The following EEPD1 variants were observed in gnomAD, a reference collection of about 807,000 sequenced individuals.
The protein encoded by EEPD1 is endonuclease/exonuclease/phosphatase family domain containing 1, also known as endonuclease/exonuclease/phosphatase family domain-containing protein 1.
In EEPD1, 17 loss-of-function variants were observed where a neutral mutation model predicts 46.3. The observed-to-expected ratio is 0.37, with a 90% confidence interval of 0.25 to 0.55. The LOEUF is 0.55. EEPD1 is among the 20% of genes least tolerant of loss of function. The probability of loss-of-function intolerance (pLI) is 0.83; values close to 1 mark genes in which losing one functional copy is unlikely to be tolerated. For missense variants in EEPD1, 673 were observed against 745.6 expected (o/e 0.90, Z 1.13); for synonymous variants, 313 against 315.6 (o/e 0.99, Z 0.09).
At chr7:36,254,842 G>A (rs530093505) in intron 3 of EEPD1, among the ~76,000 whole-genome samples, 1 of 152,318 alleles carries the variant, frequency 6.6e-6, no homozygotes, top group South Asian at 2.1e-4. Flanking sequence ...ACTGGCGTGA[G>A]ATGGTATCTC....
chr7:36,162,206 A>G (rs192785519), intron 2 of EEPD1, among the ~76,000 whole-genome samples: 18 of 152,348 alleles, frequency 1.2e-4, no homozygotes, highest in Admixed American at 1.1e-3. Flanking sequence ...TGTTGTACAC[A>G]TGCCAAAGTT....
chr7:36,204,097 C>T (rs544282034), intron 2 of EEPD1, among the ~76,000 whole-genome samples: 6 of 150,324 alleles, frequency 4.0e-5, no homozygotes, highest in Admixed American at 1.3e-4. Context: ...TGCAGTGACG[C>T]GATCACAGTT....
chr7:36,298,408 A>G (rs753455727), intron 7 of EEPD1, among the ~76,000 whole-genome samples: 5 of 152,174 alleles, frequency 3.3e-5, no homozygotes, highest in African/African-American at 7.2e-5. Context: ...GCCCATGTCA[A>G]TCCTGCACTA....
At chr7:36,278,954 T>G (rs1395679696) in intron 3 of EEPD1, among the ~76,000 whole-genome samples, 1 of 152,110 alleles carries the variant, frequency 6.6e-6, no homozygotes, top group Non-Finnish European at 1.5e-5. Context: ...CCTATAAAAG[T>G]CATGGTTGAG....
intron 3 of EEPD1, among the ~76,000 whole-genome samples, chr7:36,277,585 G>A (rs1562710496): frequency 6.6e-6 from 1 of 152,192 alleles, no homozygotes; most frequent in Non-Finnish European, 1.5e-5. Flanking sequence ...ACTTTGAGTA[G>A]CAAGCGTCTG....
At chr7:36,196,861 G>A (rs1785605525) in intron 2 of EEPD1, among the ~76,000 whole-genome samples, 1 of 151,786 alleles carries the variant, frequency 6.6e-6, no homozygotes, top group Non-Finnish European at 1.5e-5. Flanking sequence ...GAGCGTCTCT[G>A]CCTGGCCGCC....
intron 2 of EEPD1, among the ~76,000 whole-genome samples, chr7:36,170,207 G>A (rs911480529): frequency 2.0e-5 from 3 of 152,122 alleles, no homozygotes; most frequent in East Asian, 1.9e-4. Context: ...TCAGGAGTTC[G>A]AGACCAGCCT....
chr7:36,237,657 T>A (rs190730073), intron 2 of EEPD1, among the ~76,000 whole-genome samples: 21 of 152,060 alleles, frequency 1.4e-4, no homozygotes, highest in Admixed American at 5.9e-4. Context: ...GAATAAAGAA[T>A]GGCTGCCTGA....
At chr7:36,264,426 C>T (rs983758108) in intron 3 of EEPD1, among the ~76,000 whole-genome samples, 7 of 152,172 alleles carry the variant, frequency 4.6e-5, no homozygotes, top group African/African-American at 1.4e-4. Context: ...ACCTCCCACC[C>T]GCACAGAGCC....
rs568974148 is a variant in EEPD1, at chr7:36,287,901, G to A, written c.1315+124G>A. 7.2e-6 allele frequency: 10 copies of A among 1,386,460 alleles called. No individual in the cohort carries two copies. In the African/African-American group the frequency reaches 1.3e-4, roughly 18 times the overall value. The allele number at this position is 1,386,460 out of a possible 1,614,324, so 85.9% of individuals were successfully genotyped here. A position where few individuals can be genotyped will look rare whatever the true frequency, so the allele number is the denominator to read the frequency against. ...CAGCAATGTGAGTCGCGGGTACAGGGGACAGTCAAACCTCTGGCATCTCAT... is the reference window on the plus strand; with the variant it reads ...CAGCAATGTGAGTCGCGGGTACAGGAGACAGTCAAACCTCTGGCATCTCAT... On this transcript the variant is annotated intron_variant, in intron 6 of 7. Coordinates refer to ENST00000242108, the MANE Select transcript of EEPD1 (RefSeq NM_030636.3).
intron 3 of EEPD1, among the ~76,000 whole-genome samples, chr7:36,252,343 G>GC (rs1288904902): frequency 6.6e-6 from 1 of 152,018 alleles, no homozygotes; most frequent in South Asian, 2.1e-4. Context: ...ATCATGCCCC[G>GC]CCCCCCTCCA....
intron 3 of EEPD1, among the ~76,000 whole-genome samples, chr7:36,267,004 G>A (rs1376279014): frequency 5.3e-5 from 8 of 152,032 alleles, no homozygotes; most frequent in Non-Finnish European, 7.4e-5. Context: ...TTCCATCTTC[G>A]AGCTACTGGG....
At chr7:36,174,085 A>C (rs890512657) in intron 2 of EEPD1, among the ~76,000 whole-genome samples, 2 of 152,168 alleles carry the variant, frequency 1.3e-5, no homozygotes, top group African/African-American at 4.8e-5. Context: ...GGTGGCAGTA[A>C]GTGGTGGCCA....
At chr7:36,171,345 A>G (rs1362748746) in intron 2 of EEPD1, among the ~76,000 whole-genome samples, 1 of 152,224 alleles carries the variant, frequency 6.6e-6, no homozygotes, top group Non-Finnish European at 1.5e-5. Context: ...GCCAAAACTC[A>G]TGTTGCTGGC....
chr7:36,273,285 T>C (rs1056494142), intron 3 of EEPD1, among the ~76,000 whole-genome samples: 1 of 152,176 alleles, frequency 6.6e-6, no homozygotes, highest in Non-Finnish European at 1.5e-5. Flanking sequence ...AGGGTTGTTA[T>C]GAGGACTGAA....
At position 36,227,372 on chromosome 7, in the gene EEPD1, G is replaced by A. The variant is rs1298085883; in HGVS notation, c.879-11613G>A. Among the ~76,000 whole-genome samples, 6 of 152,144 alleles carry A rather than the reference G, an allele frequency of 3.9e-5. No homozygotes were observed. In the South Asian group the frequency reaches 6.2e-4, roughly 16 times the overall value. ...TGTTCTGTGCTGACATCCTAATCCC[G>A]CACTTGGCTTTGGCAAGGAAGGGTG... On this transcript the variant is annotated intron_variant, in intron 2 of 7. Transcript: ENST00000242108.
intron 7 of EEPD1, 111 bp from the exon 8 acceptor site, chr7:36,298,896 G>A (rs1369482137): frequency 5.4e-6 from 7 of 1,294,500 alleles, no homozygotes; most frequent in African/African-American, 2.9e-5. Flanking sequence ...CAGCCTCTCC[G>A]GGCACCCCGG....
At chr7:36,261,805 T>C (rs535747741) in intron 3 of EEPD1, among the ~76,000 whole-genome samples, 6 of 152,228 alleles carry the variant, frequency 3.9e-5, no homozygotes, top group Non-Finnish European at 8.8e-5. Context: ...AACAGGCCAT[T>C]AAAGCTTGCT....
intron 2 of EEPD1, among the ~76,000 whole-genome samples, chr7:36,171,549 T>G (rs1235031145): frequency 6.6e-6 from 1 of 152,202 alleles, no homozygotes; most frequent in Admixed American, 6.5e-5. Flanking sequence ...GCTTCTCACA[T>G]CTCCATGGAT....
Sources: allele counts gnomAD v4.1 joint callset (sites outside exome capture counted in the v4.1 genomes callset), GRCh38; gene constraint gnomAD v4.1.1; transcripts MANE v1.5; gene names NCBI Gene and HGNC (gene_info 2026-07-23, HGNC 2026-07-21).